Variants in KCNJ6 observed in about 807,000 individuals in gnomAD.
KCNJ6 encodes potassium inwardly rectifying channel subfamily J member 6.
KCNJ6 carries 9 observed loss-of-function variants against 34.2 expected under a neutral mutation model. That is an observed-to-expected ratio of 0.26 (90% CI 0.16 to 0.46). The LOEUF is 0.46. KCNJ6 is among the 20% of genes least tolerant of loss of function. The pLI is 1.00. For synonymous variants in KCNJ6, 196 were observed against 207.1 expected (o/e 0.95, Z 0.46); for missense variants, 236 against 531.3 (o/e 0.44, Z 5.46).
At position 37,730,650 on chromosome 21, in the gene KCNJ6, T is replaced by A. The variant is rs1299005512; in HGVS notation, c.26-15519A>T. On this transcript the variant is annotated intron_variant, in intron 2 of 3. Transcript: ENST00000609713. ...ATCCAGAAATAATCTAAGAAACAGA[T>A]GGGCAGACCCATCTGGAAGCTAAGA... Among the ~76,000 whole-genome samples the A allele has an allele frequency of 3.9e-5, 6 of 152,176 alleles. No homozygotes were observed. In the East Asian group the frequency reaches 1.2e-3, roughly 29 times the overall value.
intron 2 of KCNJ6, among the ~76,000 whole-genome samples, chr21:37,793,226 G>A (rs1220018527): frequency 1.3e-5 from 2 of 152,138 alleles, no homozygotes; most frequent in African/African-American, 2.4e-5. Context: ...ACTTCTCATG[G>A]CTTGTCAGAC....
At chr21:37,703,606 T>C (rs1232844782) in intron 3 of KCNJ6, among the ~76,000 whole-genome samples, 1 of 152,084 alleles carries the variant, frequency 6.6e-6, no homozygotes, top group Non-Finnish European at 1.5e-5. Flanking sequence ...GACCCTGGGG[T>C]GAGACATATG....
intron 3 of KCNJ6, among the ~76,000 whole-genome samples, chr21:37,639,392 G>A (rs1176489504): frequency 6.6e-6 from 1 of 152,092 alleles, no homozygotes; most frequent in Non-Finnish European, 1.5e-5. Context: ...ATATTCCCAC[G>A]AGGTTGTACA....
intron 1 of KCNJ6, among the ~76,000 whole-genome samples, chr21:37,902,216 A>C (rs955727216): frequency 2.0e-5 from 3 of 152,254 alleles, no homozygotes; most frequent in African/African-American, 7.2e-5. Context: ...TTCAATTTTT[A>C]TATGGCTTAG....
At chr21:37,805,095 G>A (rs1476803991) in intron 2 of KCNJ6, among the ~76,000 whole-genome samples, 2 of 152,108 alleles carry the variant, frequency 1.3e-5, no homozygotes, top group Non-Finnish European at 2.9e-5. Context: ...AAAGAGATAA[G>A]GGATTGCCAG....
intron 2 of KCNJ6, among the ~76,000 whole-genome samples, chr21:37,826,632 A>T (rs567753192): frequency 7.2e-4 from 109 of 152,312 alleles, no homozygotes; most frequent in African/African-American, 2.5e-3. Context: ...ACAGATTTTT[A>T]AAAAGAGAAT....
At chr21:37,874,836 G>A (rs745416916) in intron 1 of KCNJ6, among the ~76,000 whole-genome samples, 4 of 152,182 alleles carry the variant, frequency 2.6e-5, no homozygotes, top group Admixed American at 2.0e-4. Flanking sequence ...ATCCAAGCAC[G>A]GCTCCACCTC....
intron 2 of KCNJ6, among the ~76,000 whole-genome samples, chr21:37,742,921 A>C (rs858018): frequency 0.36 from 54,073 of 152,048 alleles, 10,686 homozygotes; most frequent in Admixed American, 0.46. Flanking sequence ...TTCTCTAAGG[A>C]CTGTGCTCCT....
At chr21:37,748,635 T>C (rs2054979393) in intron 2 of KCNJ6, among the ~76,000 whole-genome samples, 1 of 152,200 alleles carries the variant, frequency 6.6e-6, no homozygotes, top group African/African-American at 2.4e-5. Context: ...CCACAGGTTC[T>C]TCCAGTAACT....
intron 3 of KCNJ6, among the ~76,000 whole-genome samples, chr21:37,707,763 T>C (rs1601429123): frequency 2.5e-4 from 1 of 3,928 alleles, no homozygotes; most frequent in Non-Finnish European, 5.0e-4. Context: ...TCCCCAGTGA[T>C]CCTCTTCCGG....
At chr21:37,850,661 G>A (rs766227445) in intron 1 of KCNJ6, among the ~76,000 whole-genome samples, 3 of 151,856 alleles carry the variant, frequency 2.0e-5, no homozygotes, top group Admixed American at 6.6e-5. Flanking sequence ...ATAATCACCC[G>A]GCCCAGCAGC....
chr21:37,776,257 T>G (rs1228583678), intron 2 of KCNJ6, among the ~76,000 whole-genome samples: 2 of 152,234 alleles, frequency 1.3e-5, no homozygotes, highest in Non-Finnish European at 2.9e-5. Context: ...GCTGAGACGA[T>G]GGGGTTTTCT....
intron 2 of KCNJ6, among the ~76,000 whole-genome samples, chr21:37,739,783 C>T (rs1220807940): frequency 6.6e-6 from 1 of 151,982 alleles, no homozygotes; most frequent in Non-Finnish European, 1.5e-5. Context: ...GGGAGAAAAG[C>T]TCCTGGAAAA....
chr21:37,887,455 T>A (rs1004608386), intron 1 of KCNJ6, among the ~76,000 whole-genome samples: 5 of 152,338 alleles, frequency 3.3e-5, no homozygotes, highest in African/African-American at 9.6e-5. Flanking sequence ...CTGTTCCAGG[T>A]ACTGAAACTC....
intron 2 of KCNJ6, among the ~76,000 whole-genome samples, chr21:37,801,335 G>A (rs912531920): frequency 2.0e-5 from 3 of 152,126 alleles, no homozygotes; most frequent in Non-Finnish European, 4.4e-5. Flanking sequence ...AGCCCCTGCC[G>A]CATGCTTTTC....
intron 3 of KCNJ6, among the ~76,000 whole-genome samples, chr21:37,670,350 C>A (rs1195985050): frequency 3.9e-5 from 6 of 151,916 alleles, no homozygotes; most frequent in Non-Finnish European, 8.8e-5. Context: ...ATTTGGGGAC[C>A]CTTGCATTTC....
At chr21:37,789,494 C>T (rs907593612) in intron 2 of KCNJ6, among the ~76,000 whole-genome samples, 1 of 152,154 alleles carries the variant, frequency 6.6e-6, no homozygotes, top group Non-Finnish European at 1.5e-5. Flanking sequence ...TCTTGGACTT[C>T]CAGCCCCTAG....
intron 1 of KCNJ6, among the ~76,000 whole-genome samples, chr21:37,894,080 C>G (rs887035544): frequency 6.6e-6 from 1 of 152,196 alleles, no homozygotes; most frequent in African/African-American, 2.4e-5. Context: ...TCTTGCTTAA[C>G]CATTCAACAA....
chr21:37,823,866 G>T (rs1361908371), intron 2 of KCNJ6, among the ~76,000 whole-genome samples: 1 of 5,480 alleles, frequency 1.8e-4, no homozygotes, highest in Non-Finnish European at 3.8e-4. Flanking sequence ...CAAAGTTTCA[G>T]TCAGACAGCA....
Sources: allele counts gnomAD v4.1 joint callset (sites outside exome capture counted in the v4.1 genomes callset), GRCh38; gene constraint gnomAD v4.1.1; transcripts MANE v1.5; gene names NCBI Gene and HGNC (gene_info 2026-07-23, HGNC 2026-07-21).